Variants in CREM observed in about 807,000 individuals in gnomAD.
CREM encodes the protein cAMP responsive element modulator.
Under a neutral mutation model 37.3 loss-of-function variants are expected in CREM, and 13 were observed. The observed-to-expected ratio is 0.35, with a 90% confidence interval of 0.23 to 0.55. The LOEUF (loss-of-function observed/expected upper bound fraction) is 0.55. Ranked by LOEUF, CREM falls within the 20% of genes least tolerant of loss-of-function variation. The pLI is 0.88. For synonymous variants in CREM, 124 were observed against 120.2 expected (o/e 1.03, Z -0.21); for missense variants, 296 against 362.3 (o/e 0.82, Z 1.49).
intron 6 of CREM, among the ~76,000 whole-genome samples, chr10:35,197,207 A>C (rs1228081397): frequency 2.6e-5 from 4 of 152,050 alleles, no homozygotes; most frequent in East Asian, 3.8e-4. Context: ...AGTTTTTTTC[A>C]CAGTTTTACC....
At chr10:35,175,900 T>A (rs1199654013) in intron 3 of CREM, 2 of 1,555,558 alleles carry the variant, frequency 1.3e-6, no homozygotes, top group Middle Eastern at 1.7e-4. Context: ...CAGCTGTAAC[T>A]CTAGTGCAGT....
chr10:35,166,978 T>C (rs1004296124), intron 3 of CREM, among the ~76,000 whole-genome samples: 5 of 152,046 alleles, frequency 3.3e-5, no homozygotes, highest in African/African-American at 1.2e-4. Context: ...CTGTCTTTAC[T>C]AAAAATACAA....
At chr10:35,159,909 C>T (rs983632609) in intron 3 of CREM, among the ~76,000 whole-genome samples, 1 of 152,052 alleles carries the variant, frequency 6.6e-6, no homozygotes, top group African/African-American at 2.4e-5. Context: ...GCAGAAGACC[C>T]GAATAGATTT....
chr10:35,146,310 T>TTC (rs1251243005), intron 2 of CREM, among the ~76,000 whole-genome samples: 1 of 151,522 alleles, frequency 6.6e-6, no homozygotes, highest in African/African-American at 2.5e-5. Flanking sequence ...AAAGGGTTTG[T>TTC]TTGGTAGTCA....
chr10:35,178,849 A>G (rs1294974153), intron 3 of CREM, 40 bp from the exon 4 acceptor site: 4 of 1,518,038 alleles, frequency 2.6e-6, no homozygotes, highest in African/African-American at 1.4e-5. Flanking sequence ...GGAAAAGAGC[A>G]TATATTTTAT....
At chr10:35,153,238 A>G (rs1462036432) in intron 3 of CREM, among the ~76,000 whole-genome samples, 1 of 152,158 alleles carries the variant, frequency 6.6e-6, no homozygotes, top group African/African-American at 2.4e-5. Context: ...CTGACGACAT[A>G]GCGAGACCTT....
intron 7 of CREM, among the ~76,000 whole-genome samples, chr10:35,211,002 A>G (rs2134888788): frequency 6.6e-6 from 1 of 152,344 alleles, no homozygotes; most frequent in East Asian, 1.9e-4. Context: ...GGGCATTGTT[A>G]CCAGTGGAAT....
At position 35,126,967 on chromosome 10, in the gene CREM, G is replaced by A. The variant is rs889458265; in HGVS notation, c.-281G>A. ...CCCGGCGTGGGGGAGGGGAGGACGGGGCGGGAGGACGCGGTTCGGTCGGCT... is the reference window on the plus strand; with the variant it reads ...CCCGGCGTGGGGGAGGGGAGGACGGAGCGGGAGGACGCGGTTCGGTCGGCT... On this transcript the variant is annotated 5_prime_UTR_variant, in exon 1 of 8. Coordinates refer to ENST00000685392, the MANE Select transcript of CREM (RefSeq NM_183011.2). 3 of 152,524 alleles carry A rather than the reference G, an allele frequency of 2.0e-5. No homozygotes were observed. The highest frequency in any genetic ancestry group is 4.8e-5 in the African/African-American group (2 of 41,592). 9.4% of individuals were successfully genotyped at this position (152,524 alleles called of 1,614,324 possible).
chr10:35,186,882 AAT>A (rs1433573693), intron 5 of CREM, among the ~76,000 whole-genome samples: 2 of 100,966 alleles, frequency 2.0e-5, no homozygotes, highest in Non-Finnish European at 3.6e-5. Context: ...TTATATATAA[AAT>A]ATAAATAATT....
chr10:35,210,932 G>A (rs896615919), intron 7 of CREM, among the ~76,000 whole-genome samples: 4 of 152,198 alleles, frequency 2.6e-5, no homozygotes, highest in East Asian at 1.9e-4. Flanking sequence ...ATCTATAAAT[G>A]TGTTTGTAGA....
chr10:35,206,376 A>AT (rs1264981415), intron 6 of CREM, among the ~76,000 whole-genome samples: 1 of 152,082 alleles, frequency 6.6e-6, no homozygotes, highest in East Asian at 1.9e-4. Context: ...ATTTCCAAGT[A>AT]TTTTCTCTGT....
At chr10:35,162,751 T>C (rs2093358580) in intron 3 of CREM, among the ~76,000 whole-genome samples, 1 of 152,134 alleles carries the variant, frequency 6.6e-6, no homozygotes, top group Non-Finnish European at 1.5e-5. Context: ...CCTGGACTTC[T>C]CAGAGGCCAC....
At chr10:35,136,023 G>A (rs577453957) in intron 1 of CREM, among the ~76,000 whole-genome samples, 2 of 152,120 alleles carry the variant, frequency 1.3e-5, no homozygotes, top group Non-Finnish European at 2.9e-5. Flanking sequence ...GTCATTATTC[G>A]GGTATGAGGC....
chr10:35,182,741 A>G (rs2094404185), intron 5 of CREM, among the ~76,000 whole-genome samples: 1 of 152,254 alleles, frequency 6.6e-6, no homozygotes, highest in Non-Finnish European at 1.5e-5. Flanking sequence ...GAAAAAGCAT[A>G]AAATAGACAG....
intron 6 of CREM, 60 bp from the exon 7 acceptor site, chr10:35,206,835 A>G: frequency 1.3e-6 from 2 of 1,529,476 alleles, no homozygotes; most frequent in South Asian, 2.3e-5. Context: ...GATCAGTTTT[A>G]TGTAAAATGC....
chr10:35,189,196 T>G (rs2094797863), intron 6 of CREM, among the ~76,000 whole-genome samples: 1 of 119,568 alleles, frequency 8.4e-6, no homozygotes, highest in South Asian at 2.3e-4. Flanking sequence ...TGTTTGTTTG[T>G]TTTTTTGACT....
intron 7 of CREM, among the ~76,000 whole-genome samples, chr10:35,208,272 A>G (rs1057074772): frequency 1.8e-4 from 27 of 152,206 alleles, no homozygotes; most frequent in African/African-American, 6.3e-4. Flanking sequence ...ATTATAGTCT[A>G]TGTACTTCCA....
intron 7 of CREM, chr10:35,210,526 C>T (rs562773449): frequency 1.3e-5 from 2 of 152,028 alleles, no homozygotes; most frequent in Non-Finnish European, 2.9e-5. Context: ...TGAAATATGC[C>T]CAGAGTTACT....
intron 6 of CREM, among the ~76,000 whole-genome samples, chr10:35,198,744 T>G (rs1164558305): frequency 6.6e-6 from 1 of 152,198 alleles, no homozygotes; most frequent in Non-Finnish European, 1.5e-5. Context: ...TCCAACAAAT[T>G]TGGAAAACTA....
Sources: allele counts gnomAD v4.1 joint callset (sites outside exome capture counted in the v4.1 genomes callset), GRCh38; gene constraint gnomAD v4.1.1; transcripts MANE v1.5; gene names NCBI Gene and HGNC (gene_info 2026-07-23, HGNC 2026-07-21).